DNAH11: variants seen among roughly 807,000 people sequenced by gnomAD.
DNAH11 encodes dynein axonemal heavy chain 11.
DNAH11 carries 442 observed loss-of-function variants against 526.0 expected under a neutral mutation model. The ratio of observed to expected loss-of-function variants is 0.84; its 90% CI spans 0.78 to 0.91. DNAH11 has a LOEUF of 0.91. Ranked by LOEUF, DNAH11 falls within the 40% of genes least tolerant of loss-of-function variation. The probability of loss-of-function intolerance (pLI) is 0.00; values close to 1 mark genes in which losing one functional copy is unlikely to be tolerated. For missense variants in DNAH11, 6,989 were observed against 5,448.7 expected (o/e 1.28, Z -8.90); for synonymous variants, 2,461 against 1,935.9 (o/e 1.27, Z -7.12).
rs76611411 is a variant in DNAH11 at position 21,830,673 on chromosome 7, T to C, written c.10692-11871T>C. ...CACCTTGGCCAAGCCATAAACTCTTTAGGTCCATAAAAAAAAAATCAGTTG... is the reference window on the plus strand; with the variant it reads ...CACCTTGGCCAAGCCATAAACTCTTCAGGTCCATAAAAAAAAAATCAGTTG... On this transcript the variant is annotated intron_variant, in intron 65 of 81. Coordinates refer to ENST00000409508, the MANE Select transcript of DNAH11 (RefSeq NM_001277115.2). 0.013 allele frequency among the ~76,000 whole-genome samples: 1,898 copies of C among 149,548 alleles called. 195 individuals are homozygous for C. In the East Asian group the frequency reaches 0.26, roughly 20 times the overall value.
intron 55 of DNAH11, among the ~76,000 whole-genome samples, chr7:21,769,457 G>T (rs1442363141): frequency 6.6e-6 from 1 of 151,862 alleles, no homozygotes; most frequent in Non-Finnish European, 1.5e-5. Context: ...TATAAAAGAG[G>T]TAGCTGGATT....
intron 14 of DNAH11, among the ~76,000 whole-genome samples, chr7:21,598,912 A>G (rs1375333743): frequency 3.9e-5 from 6 of 152,028 alleles, no homozygotes; most frequent in Admixed American, 3.9e-4. Flanking sequence ...TGCAAAGGAC[A>G]TGATCTCGTT....
chr7:21,795,379 ACTTTAGGG>A (rs1457137428), intron 61 of DNAH11, among the ~76,000 whole-genome samples: 4 of 152,014 alleles, frequency 2.6e-5, no homozygotes, highest in African/African-American at 9.7e-5. Context: ...TCAAGCTTGG[ACTTTAGGG>A]GAACTCCTTG....
At chr7:21,716,310 C>T (rs1162632277) in intron 42 of DNAH11, among the ~76,000 whole-genome samples, 1 of 152,072 alleles carries the variant, frequency 6.6e-6, no homozygotes, top group East Asian at 1.9e-4. Context: ...CGAATGCCAC[C>T]AACTCTGTAC....
chr7:21,851,268 C>T (rs184827793), intron 66 of DNAH11: 201 of 244,270 alleles, frequency 8.2e-4, no homozygotes, highest in Admixed American at 1.6e-3. Context: ...GGGCACTTCT[C>T]TCTGCTGCCG....
At chr7:21,604,031 G>A (rs1259912787) in intron 18 of DNAH11, among the ~76,000 whole-genome samples, 2 of 152,152 alleles carry the variant, frequency 1.3e-5, no homozygotes, top group African/African-American at 2.4e-5. Flanking sequence ...GGTGTATTTG[G>A]AGGGTAACGA....
intron 54 of DNAH11, among the ~76,000 whole-genome samples, chr7:21,756,355 C>G (rs1399956800): frequency 6.6e-6 from 1 of 151,898 alleles, no homozygotes; most frequent in Non-Finnish European, 1.5e-5. Flanking sequence ...CTATTTGGGG[C>G]TGTCTGTTAT....
chr7:21,555,519 C>A (rs1783182025), intron 2 of DNAH11, among the ~76,000 whole-genome samples: 1 of 152,258 alleles, frequency 6.6e-6, no homozygotes. Context: ...CTTTGCCTGT[C>A]TCTGGACATT....
chr7:21,592,745 C>G (rs950925961), intron 14 of DNAH11, among the ~76,000 whole-genome samples: 1 of 152,088 alleles, frequency 6.6e-6, no homozygotes, highest in Non-Finnish European at 1.5e-5. Context: ...GATGGCAGAG[C>G]CAGCAGAATT....
chr7:21,574,721 G>A (rs1231974911), intron 8 of DNAH11, among the ~76,000 whole-genome samples: 2 of 151,270 alleles, frequency 1.3e-5, no homozygotes, highest in South Asian at 2.1e-4. Flanking sequence ...ACACCACCAC[G>A]CCCAGGTAAT....
At chr7:21,887,956 T>C (rs1784188610) in intron 76 of DNAH11, among the ~76,000 whole-genome samples, 1 of 152,010 alleles carries the variant, frequency 6.6e-6, no homozygotes, top group Non-Finnish European at 1.5e-5. Context: ...GCTGGAGTGC[T>C]GAGCTGTTTG....
intron 55 of DNAH11, among the ~76,000 whole-genome samples, chr7:21,771,565 G>A (rs1787435384): frequency 6.6e-6 from 1 of 152,166 alleles, no homozygotes; most frequent in Non-Finnish European, 1.5e-5. Context: ...CTTTGCATTT[G>A]ATTATGCGTT....
chr7:21,737,105 A>C (rs1327335192), intron 46 of DNAH11, among the ~76,000 whole-genome samples: 4 of 152,226 alleles, frequency 2.6e-5, no homozygotes, highest in Non-Finnish European at 5.9e-5. Flanking sequence ...GTATACTTGT[A>C]AAGAGAATTA....
At chr7:21,605,012 A>G (rs1785229510) in intron 18 of DNAH11, among the ~76,000 whole-genome samples, 1 of 152,200 alleles carries the variant, frequency 6.6e-6, no homozygotes, top group Admixed American at 6.5e-5. Context: ...AACTGTTTTG[A>G]TTCCATAACA....
At chr7:21,817,546 T>C (rs920353077) in intron 64 of DNAH11, among the ~76,000 whole-genome samples, 1 of 138,722 alleles carries the variant, frequency 7.2e-6, no homozygotes, top group African/African-American at 2.6e-5. Flanking sequence ...AAAAAAAAGT[T>C]GCCAGGTATG....
Position 21,744,885 on chromosome 7 carries a change from A to C in DNAH11, c.8332A>C (p.Met2778Leu). 1 of 1,609,672 alleles carries C rather than the reference A, an allele frequency of 6.2e-7. No individual in the cohort carries two copies. The highest frequency in any genetic ancestry group is 8.5e-7 in the Non-Finnish European group (1 of 1,177,966). ...CATCCTGCAGGGTATAGATAGTCAC[A>C]TGCTGCTTCAACAGCCCCTCATTTA... is the stretch of plus-strand genomic sequence containing the variant. ...YKYFEGIDSH[M>L]LLQQPLIYCH... Residue 2778 changes from methionine to leucine, a missense_variant, in exon 51 of 82, where the codon ATG becomes CTG. Transcript: ENST00000409508.
chr7:21,606,787 G>T (rs1372117152), intron 20 of DNAH11, 54 bp downstream of exon 20: 13 of 1,446,000 alleles, frequency 9.0e-6, no homozygotes, highest in Non-Finnish European at 1.0e-5. Context: ...TTTAAAAAAT[G>T]TAAGTTTAGA....
In DNAH11 at chr7:21,782,948, A is replaced by T. The variant is rs368893695; in HGVS notation, c.9484-1479A>T. ...GAAAGAAAGAAAGAGCACTTAAAAG[A>T]AATACTCTTTAAGGTTTTATCCAGT... is the stretch of plus-strand genomic sequence containing the variant. On this transcript the variant is annotated intron_variant, in intron 57 of 81. Transcript: ENST00000409508. Among the ~76,000 whole-genome samples the T allele has an allele frequency of 2.8e-4, 42 of 152,076 alleles. No homozygotes were observed. In the East Asian group the frequency reaches 5.6e-3, roughly 20 times the overall value.
chr7:21,619,863 T>C, intron 24 of DNAH11, 93 bp from the exon 25 acceptor site: 11 of 1,285,116 alleles, frequency 8.6e-6, no homozygotes, highest in Non-Finnish European at 1.1e-5. Context: ...AGTTTGCATT[T>C]TTGAAAGTTG....
Sources: gnomAD v4.1 joint callset for allele counts (sites outside exome capture counted in the v4.1 genomes callset) on GRCh38, gnomAD v4.1.1 for gene constraint, MANE v1.5 for transcripts, NCBI Gene and HGNC (gene_info 2026-07-23, HGNC 2026-07-21) for gene names.